Variants in LTBP1 observed in about 807,000 individuals in gnomAD.
LTBP1 encodes latent-transforming growth factor beta-binding protein 1.
LTBP1 carries 129 observed loss-of-function variants against 207.6 expected under a neutral mutation model. That is an observed-to-expected ratio of 0.62 (90% CI 0.54 to 0.72). LTBP1 has a LOEUF of 0.72. Among genes scored for constraint, LTBP1 ranks in the 30% least tolerant of loss-of-function variants. The pLI is 0.00. For missense variants in LTBP1, 2,281 were observed against 2,217.2 expected (o/e 1.03, Z -0.58); for synonymous variants, 963 against 833.7 (o/e 1.16, Z -2.67).
intron 9 of LTBP1, among the ~76,000 whole-genome samples, chr2:33,230,372 T>C (rs2091714822): frequency 1.3e-5 from 2 of 152,204 alleles, no homozygotes; most frequent in Non-Finnish European, 2.9e-5. Context: ...TTGTTTTTTT[T>C]CCTCCTCTCT....
chr2:33,227,514 T>C (rs2091507691), intron 9 of LTBP1, among the ~76,000 whole-genome samples: 1 of 152,186 alleles, frequency 6.6e-6, no homozygotes, highest in Admixed American at 6.5e-5. Context: ...GCTCCTCTTT[T>C]TGGCCTGAAA....
At chr2:33,190,875 A>G (rs185381605) in intron 7 of LTBP1, among the ~76,000 whole-genome samples, 3 of 152,280 alleles carry the variant, frequency 2.0e-5, no homozygotes, top group Non-Finnish European at 2.9e-5. Flanking sequence ...TTCATTCCCC[A>G]GTTTTGCAAA....
intron 5 of LTBP1, among the ~76,000 whole-genome samples, chr2:33,173,427 CACAT>C (rs1422026549): frequency 1.3e-5 from 2 of 152,186 alleles, no homozygotes; most frequent in Admixed American, 6.5e-5. Flanking sequence ...AATTCCTTGA[CACAT>C]ACACCCTCCC....
At chr2:33,287,195 A>G (rs2093683434) in intron 19 of LTBP1, among the ~76,000 whole-genome samples, 2 of 152,354 alleles carry the variant, frequency 1.3e-5, no homozygotes, top group South Asian at 4.1e-4. Context: ...TGTATAGTTT[A>G]TGAAGGTTTT....
intron 7 of LTBP1, among the ~76,000 whole-genome samples, chr2:33,209,560 C>T (rs1558818907): frequency 6.6e-6 from 1 of 152,218 alleles, no homozygotes; most frequent in African/African-American, 2.4e-5. Context: ...ATGACATGCC[C>T]TCCACAGCAT....
chr2:33,263,812 G>T (rs2093091353), intron 15 of LTBP1, among the ~76,000 whole-genome samples: 1 of 151,940 alleles, frequency 6.6e-6, no homozygotes, highest in South Asian at 2.1e-4. Flanking sequence ...AATTAGCCAG[G>T]TGTGGTGGTG....
chr2:33,044,209 C>T (rs960065821), intron 3 of LTBP1, among the ~76,000 whole-genome samples: 1 of 151,918 alleles, frequency 6.6e-6, no homozygotes, highest in Non-Finnish European at 1.5e-5. Context: ...TGGTTTGCTG[C>T]ACCCATCAAC....
intron 3 of LTBP1, among the ~76,000 whole-genome samples, chr2:33,103,631 G>GTGTGTGTGTGTGT (rs2079887877): frequency 6.8e-6 from 1 of 147,564 alleles, no homozygotes; most frequent in African/African-American, 2.5e-5. Flanking sequence ...GTGTGTGAGT[G>GTGTGTGTGTGTGT]TTATGCTGCC....
At chr2:33,228,113 CTTA>C (rs1274640756) in intron 9 of LTBP1, among the ~76,000 whole-genome samples, 1 of 151,956 alleles carries the variant, frequency 6.6e-6, no homozygotes, top group Admixed American at 6.6e-5. Context: ...CCAAGAAGCT[CTTA>C]TTATAGCTTT....
Position 32,947,711 on chromosome 2 carries a change from C to T in LTBP1, c.387C>T (p.Ala129=), listed in dbSNP as rs752095853. ...ATCCCGGCGGCCACCCGGCAGCCGC[C>T]CCGTTCACCAAACAAGGCAGGCAAG... The part of the protein sequence containing the change: ...HPNPGGHPAA[A]PFTKQGRQVV... Residue 129 remains alanine (A), a synonymous_variant, in exon 1 of 34, where the codon GCC becomes GCT. Transcript: ENST00000404816. 2 of 1,531,604 alleles carry T rather than the reference C, an allele frequency of 1.3e-6. No homozygotes were observed. The highest frequency in any genetic ancestry group is 1.8e-6 in the Non-Finnish European group (2 of 1,140,450). The allele number at this position is 1,531,604 out of a possible 1,614,324, so 94.9% of individuals were successfully genotyped here. A position where few individuals can be genotyped will look rare whatever the true frequency, so the allele number is the denominator to read the frequency against.
intron 31 of LTBP1, among the ~76,000 whole-genome samples, chr2:33,384,705 G>C (rs1486940753): frequency 6.6e-6 from 1 of 152,202 alleles, no homozygotes; most frequent in Non-Finnish European, 1.5e-5. Context: ...AGTTTCTTGT[G>C]GGAAGTTATG....
At chr2:33,338,281 A>G (rs948598065) in intron 24 of LTBP1, among the ~76,000 whole-genome samples, 1 of 152,240 alleles carries the variant, frequency 6.6e-6, no homozygotes, top group African/African-American at 2.4e-5. Flanking sequence ...ACGCCCAGTA[A>G]TTCATAACCA....
chr2:33,377,461 G>A (rs1470223806), intron 31 of LTBP1, among the ~76,000 whole-genome samples: 2 of 152,186 alleles, frequency 1.3e-5, no homozygotes, highest in African/African-American at 4.8e-5. Flanking sequence ...GAGCCTTGGA[G>A]TGTCAGTTGT....
At chr2:33,218,720 G>T (rs986399233) in intron 8 of LTBP1, among the ~76,000 whole-genome samples, 1 of 152,156 alleles carries the variant, frequency 6.6e-6, no homozygotes, top group African/African-American at 2.4e-5. Context: ...AGAGACAGAG[G>T]TGACTGGGTT....
intron 25 of LTBP1, among the ~76,000 whole-genome samples, chr2:33,346,488 A>G (rs1182876395): frequency 2.0e-5 from 3 of 151,964 alleles, no homozygotes; most frequent in East Asian, 3.9e-4. Flanking sequence ...GTTCATGACC[A>G]TCCTGGCCAA....
chr2:33,348,527 T>C (rs1302138087), intron 26 of LTBP1, among the ~76,000 whole-genome samples: 1 of 152,192 alleles, frequency 6.6e-6, no homozygotes, highest in East Asian at 1.9e-4. Context: ...TTCATTTTAA[T>C]TGGATCTACA....
chr2:33,050,356 C>T (rs1304490695), intron 3 of LTBP1, among the ~76,000 whole-genome samples: 1 of 151,758 alleles, frequency 6.6e-6, no homozygotes, highest in Non-Finnish European at 1.5e-5. Flanking sequence ...ATCTATAGGA[C>T]CTAACAGGTA....
intron 13 of LTBP1, among the ~76,000 whole-genome samples, chr2:33,260,776 G>A (rs2092989190): frequency 6.6e-6 from 1 of 152,176 alleles, no homozygotes; most frequent in South Asian, 2.1e-4. Flanking sequence ...AGTCCTGGTT[G>A]ATGTATGGAA....
At chr2:33,050,745 T>C (rs1018397473) in intron 3 of LTBP1, among the ~76,000 whole-genome samples, 1 of 151,904 alleles carries the variant, frequency 6.6e-6, no homozygotes, top group African/African-American at 2.4e-5. Context: ...CTCTTTTTTT[T>C]TTTTTTGAGA....
Sources: gnomAD v4.1 joint callset for allele counts (sites outside exome capture counted in the v4.1 genomes callset) on GRCh38, gnomAD v4.1.1 for gene constraint, MANE v1.5 for transcripts, NCBI Gene and HGNC (gene_info 2026-07-23, HGNC 2026-07-21) for gene names.